Variants in LPIN1 observed in about 807,000 individuals in gnomAD.
LPIN1 encodes the protein lipin 1.
In LPIN1, 71 loss-of-function variants were observed where a neutral mutation model predicts 107.5. The observed-to-expected ratio is 0.66, with a 90% CI of 0.55 to 0.80. LPIN1 has a LOEUF of 0.80. LPIN1 is among the 30% of genes least tolerant of loss of function. The pLI, the probability that LPIN1 is intolerant of heterozygous loss-of-function variation, is 0.00. For synonymous variants in LPIN1, 445 were observed against 452.6 expected (o/e 0.98, Z 0.21); for missense variants, 1,043 against 1,160.6 (o/e 0.90, Z 1.47).
intron 1 of LPIN1, among the ~76,000 whole-genome samples, chr2:11,731,300 T>C (rs1572446178): frequency 6.6e-6 from 1 of 151,436 alleles, no homozygotes; most frequent in Admixed American, 6.6e-5. Flanking sequence ...ATTGTTCAAC[T>C]CCCACTTATG....
intron 13 of LPIN1, 84 bp from the exon 14 acceptor site, chr2:11,795,324 A>G: frequency 8.9e-7 from 1 of 1,128,864 alleles, no homozygotes; most frequent in South Asian, 1.2e-5. Flanking sequence ...GTCCTGCCTT[A>G]AGGAAGCCCA....
intron 3 of LPIN1, among the ~76,000 whole-genome samples, chr2:11,769,930 A>G (rs1671578516): frequency 6.6e-6 from 1 of 152,236 alleles, no homozygotes. Context: ...TCCCAGGCAC[A>G]GCCTCCATCC....
intron 17 of LPIN1, among the ~76,000 whole-genome samples, chr2:11,814,413 A>T (rs930725094): frequency 6.6e-6 from 1 of 152,114 alleles, no homozygotes; most frequent in African/African-American, 2.4e-5. Flanking sequence ...AGTGGACTCA[A>T]TGCTTGTAGT....
chr2:11,796,729 T>C (rs1676791819), intron 14 of LPIN1, among the ~76,000 whole-genome samples: 1 of 152,068 alleles, frequency 6.6e-6, no homozygotes, highest in African/African-American at 2.4e-5. Flanking sequence ...TGGCTGTGAG[T>C]GTGCTTGGAA....
At chr2:11,810,160 G>A (rs931086220) in intron 17 of LPIN1, among the ~76,000 whole-genome samples, 5 of 152,178 alleles carry the variant, frequency 3.3e-5, no homozygotes, top group African/African-American at 1.2e-4. Flanking sequence ...CAAGAAGCTT[G>A]TGGTCTTGTG....
chr2:11,761,616 T>C (rs544715703), intron 1 of LPIN1, among the ~76,000 whole-genome samples: 43 of 152,280 alleles, frequency 2.8e-4, no homozygotes, highest in African/African-American at 8.2e-4. Flanking sequence ...TCTGGCCTGT[T>C]CTAAATTAGA....
At chr2:11,797,651 T>C (rs1676965199) in intron 14 of LPIN1, among the ~76,000 whole-genome samples, 1 of 152,228 alleles carries the variant, frequency 6.6e-6, no homozygotes, top group Non-Finnish European at 1.5e-5. Context: ...TTTGTCCCAA[T>C]GGAAACAGGT....
chr2:11,819,501 A>G lies in LPIN1; in HGVS notation c.2420A>G (p.Lys807Arg), dbSNP rs1401902390. ...TTTAACAGAGAAGTGATTGAAAAGAAGCCAGAAAAGTTTAAAGTCCAGTGT... is the reference window on the plus strand; with the variant it reads ...TTTAACAGAGAAGTGATTGAAAAGAGGCCAGAAAAGTTTAAAGTCCAGTGT... ...SALHREVIEK[K>R]PEKFKVQCLT... Residue 807 changes from lysine (K) to arginine (R), a missense_variant, in exon 19 of 21, where the codon AAG becomes AGG. Transcript: ENST00000674199. 1 of 1,611,270 alleles carries G rather than the reference A, an allele frequency of 6.2e-7. No individual in the cohort carries two copies. Among genetic ancestry groups the G allele is most frequent in the East Asian group, 2.2e-5 (1 of 44,880 alleles).
At chr2:11,792,962 A>G (rs995581966) in intron 13 of LPIN1, among the ~76,000 whole-genome samples, 1 of 151,998 alleles carries the variant, frequency 6.6e-6, no homozygotes, top group African/African-American at 2.4e-5. Context: ...ATGTTAGGCC[A>G]CCTTTTCTCC....
At chr2:11,691,784 G>A (rs1662284623) in intron 1 of LPIN1, among the ~76,000 whole-genome samples, 1 of 152,192 alleles carries the variant, frequency 6.6e-6, no homozygotes, top group African/African-American at 2.4e-5. Flanking sequence ...CAGTGGCCTG[G>A]CATGAGAAGC....
Position 11,786,074 on chromosome 2 carries a change from G to A in LPIN1, c.1549+998G>A, listed in dbSNP as rs546429911. 3.3e-5 allele frequency among the ~76,000 whole-genome samples: 5 copies of A among 152,208 alleles called. No homozygotes were observed. The highest frequency in any genetic ancestry group is 1.2e-4 in the African/African-American group (5 of 41,524). On this transcript the variant is annotated intron_variant, in intron 10 of 20. Transcript: ENST00000674199. This position sits in a 1 kb window ranked among gnomAD's most constrained non-coding sequence, Gnocchi z 4.1. The stretch of plus-strand genomic sequence containing the variant: ...TACATGAGCTGGTGGGGGTGGGGTG[G>A]CAGCACTGACAAGGCTGGGCACCGT...
intron 1 of LPIN1, among the ~76,000 whole-genome samples, chr2:11,694,181 G>A (rs1662455286): frequency 2.0e-5 from 3 of 152,168 alleles, no homozygotes; most frequent in Admixed American, 6.5e-5. Context: ...GCCTAGCATT[G>A]CATGAATTAG....
chr2:11,743,786 G>A (rs1271472567), upstream of LPIN1, among the ~76,000 whole-genome samples: 1 of 152,122 alleles, frequency 6.6e-6, no homozygotes, highest in Non-Finnish European at 1.5e-5. This position sits in a 1 kb window ranked among gnomAD's most constrained non-coding sequence, Gnocchi z 4.7. Context: ...ACAGTAGCTC[G>A]CAGGGCACCC....
chr2:11,770,246 C>T (rs1262445500), intron 3 of LPIN1, among the ~76,000 whole-genome samples: 1 of 152,178 alleles, frequency 6.6e-6, no homozygotes, highest in Non-Finnish European at 1.5e-5. Flanking sequence ...GCTGGTCTTG[C>T]TGGCCTGACA....
Position 11,791,915 on chromosome 2 carries a change from C to A in LPIN1, c.1715C>A (p.Ala572Asp), listed in dbSNP as rs1363716402. 1.2e-6 allele frequency: 2 copies of A among 1,613,276 alleles called. No homozygotes were observed. Among genetic ancestry groups the A allele is most frequent in the South Asian group, 2.2e-5 (2 of 91,018 alleles). The change falls in exon 13 of 21, where the codon GCC becomes GAC. Residue 572 changes from alanine (A) to aspartate (D), a missense_variant and splice_region_variant. By Grantham distance (126) the Ala-to-Asp change is moderately radical. Coordinates refer to ENST00000674199, the MANE Select transcript of LPIN1 (RefSeq NM_001349206.2). ...MQAFQKPLPKATVESIMRDKM... is the reference protein window; with the variant it reads ...MQAFQKPLPKDTVESIMRDKM... ...TATGTTACCATCCATTTAAAACAGG[C>A]CACTGTGGAATCTATCATGAGGGAT...
At chr2:11,762,341 A>G (rs1480603803) in intron 1 of LPIN1, among the ~76,000 whole-genome samples, 4 of 148,790 alleles carry the variant, frequency 2.7e-5, no homozygotes, top group East Asian at 4.0e-4. Flanking sequence ...TTCGGGTTCT[A>G]TGGAGGCTTT....
In LPIN1 at chr2:11,826,125, G is replaced by A. The variant is rs574943033; in HGVS notation, c.*1334G>A. ...GGTAAAAGATTTTGCTTTACTTTTC[G>A]AAGCATTATTTTTTTAAAGAGTGTT... On this transcript the variant is annotated 3_prime_UTR_variant, in exon 21 of 21. Coordinates refer to ENST00000674199, the MANE Select transcript of LPIN1 (RefSeq NM_001349206.2). 15 of 152,664 alleles carry A rather than the reference G, an allele frequency of 9.8e-5. No individual in the cohort carries two copies. The highest frequency in any genetic ancestry group is 3.4e-4 in the African/African-American group (14 of 41,530). 9.5% of individuals were successfully genotyped at this position (152,664 alleles called of 1,614,324 possible).
chr2:11,721,904 C>G (rs11675463), upstream of LPIN1: 10,402 of 152,328 alleles, frequency 0.068, 475 homozygotes, highest in Middle Eastern at 0.15. Context: ...TCAATGGCAG[C>G]TCTCAGAAGC....
chr2:11,715,774 G>C (rs1558744264), intron 2 of LPIN1, among the ~76,000 whole-genome samples: 1 of 152,164 alleles, frequency 6.6e-6, no homozygotes, highest in African/African-American at 2.4e-5. Context: ...GTGTCTTTGA[G>C]ATTTGGGGGA....
Sources: allele counts gnomAD v4.1 joint callset (sites outside exome capture counted in the v4.1 genomes callset), GRCh38; gene constraint gnomAD v4.1.1; non-coding constraint Gnocchi (gnomAD v3.1); transcripts MANE v1.5; gene names NCBI Gene and HGNC (gene_info 2026-07-23, HGNC 2026-07-21).